Variants in TAF12 observed in about 807,000 individuals in gnomAD.
The protein encoded by TAF12 is transcription initiation factor TFIID subunit 12.
A neutral mutation model predicts 20.8 loss-of-function variants in TAF12; 3 were observed. That is an observed-to-expected ratio of 0.14 (90% CI 0.07 to 0.37). TAF12 has a LOEUF of 0.37. Ranked by LOEUF, TAF12 falls within the 10% of genes least tolerant of loss-of-function variation. The probability of loss-of-function intolerance (pLI) is 1.00; values close to 1 mark genes in which losing one functional copy is unlikely to be tolerated. For synonymous variants in TAF12, 69 were observed against 70.2 expected, an observed-to-expected ratio of 0.98 and a Z score of 0.09; for missense variants, 131 against 197.9, an observed-to-expected ratio of 0.66 and a Z score of 2.03.
At chr1:28,622,610 C>T (rs778018010) in intron 1 of TAF12, among the ~76,000 whole-genome samples, 5 of 151,980 alleles carry the variant, frequency 3.3e-5, no homozygotes, top group East Asian at 1.9e-4. Flanking sequence ...AAACTAGGGC[C>T]GCGTGCAGTA....
chr1:28,620,003 A>C (rs1256019619), intron 2 of TAF12, among the ~76,000 whole-genome samples: 1 of 151,720 alleles, frequency 6.6e-6, no homozygotes, highest in East Asian at 1.9e-4. Flanking sequence ...ACACCAAAAG[A>C]CATACACTAA....
At chr1:28,647,441 C>T (rs543460138), upstream of TAF12, among the ~76,000 whole-genome samples, 27 of 152,182 alleles carry the variant, frequency 1.8e-4, no homozygotes, top group South Asian at 4.3e-3. Flanking sequence ...GCCCATGCCA[C>T]GATGCCCAGT....
Position 28,603,534 on chromosome 1 carries a change from G to A in TAF12, c.*5C>T, listed in dbSNP as rs773120868. 1.1e-5 allele frequency: 18 copies of A among 1,613,470 alleles called. No individual in the cohort carries two copies. Among genetic ancestry groups the A allele is most frequent in the Admixed American group, 5.0e-5 (3 of 59,974 alleles). On this transcript the variant is annotated 3_prime_UTR_variant, in exon 6 of 6. Coordinates refer to ENST00000373824, the MANE Select transcript of TAF12 (RefSeq NM_005644.4). ...TTGCTGTCCATTCCCTGACCTTTCCGTGTGTTATTTCTTGGTTGTTTTCCG... is the reference window on the plus strand; with the variant it reads ...TTGCTGTCCATTCCCTGACCTTTCCATGTGTTATTTCTTGGTTGTTTTCCG...
chr1:28,644,918 A>G (rs905194812), upstream of TAF12, among the ~76,000 whole-genome samples: 3 of 152,186 alleles, frequency 2.0e-5, no homozygotes, highest in African/African-American at 4.8e-5. Flanking sequence ...GTTAAATGAT[A>G]CAGGGTCTCA....
chr1:28,621,014 C>T (rs1184756281), intron 2 of TAF12, among the ~76,000 whole-genome samples: 1 of 152,140 alleles, frequency 6.6e-6, no homozygotes, highest in African/African-American at 2.4e-5. Context: ...ATAGGACACA[C>T]TATTTTTATT....
intron 4 of TAF12, among the ~76,000 whole-genome samples, chr1:28,607,431 G>A (rs1666703084): frequency 6.6e-6 from 1 of 152,190 alleles, no homozygotes. Context: ...AGCACTTCGG[G>A]AGGCCAAAGT....
upstream of TAF12, chr1:28,648,079 T>G (rs1379112798): frequency 1.3e-6 from 1 of 754,326 alleles, no homozygotes; most frequent in Non-Finnish European, 1.6e-6. Flanking sequence ...TGCGTGACCT[T>G]GTGACCTTGT....
intron 2 of TAF12, among the ~76,000 whole-genome samples, chr1:28,620,961 C>A (rs561156566): frequency 6.6e-6 from 1 of 152,174 alleles, no homozygotes; most frequent in Non-Finnish European, 1.5e-5. Context: ...GTCTAACCCC[C>A]TTTTCTACCC....
At chr1:28,621,090 AATTGACTAGTACAGGTCC>A (rs544604137) in intron 2 of TAF12, among the ~76,000 whole-genome samples, 41 of 152,304 alleles carry the variant, frequency 2.7e-4, no homozygotes, top group African/African-American at 8.9e-4. Context: ...TTCCAATGGA[AATTGACTAGTACAGGTCC>A]ACTATGTTCT....
chr1:28,645,001 ATCC>A, upstream of TAF12, among the ~76,000 whole-genome samples: 1 of 151,420 alleles, frequency 6.6e-6, no homozygotes, highest in Middle Eastern at 3.4e-3. Context: ...TGTTCAAGCG[ATCC>A]TCCTCCACCT....
chr1:28,640,307 A>AT (rs1667989460), intron 1 of TAF12, among the ~76,000 whole-genome samples: 1 of 152,248 alleles, frequency 6.6e-6, no homozygotes, highest in South Asian at 2.1e-4. Flanking sequence ...CTAATATGTT[A>AT]TAGTCCTTGA....
intron 3 of TAF12, among the ~76,000 whole-genome samples, chr1:28,613,613 C>T (rs1013374030): frequency 2.6e-5 from 4 of 152,228 alleles, no homozygotes; most frequent in Non-Finnish European, 4.4e-5. Flanking sequence ...AATCCCTACC[C>T]TCCATATCTT....
At chr1:28,635,422 C>T (rs982835298) in intron 1 of TAF12, among the ~76,000 whole-genome samples, 1 of 150,562 alleles carries the variant, frequency 6.6e-6, no homozygotes, top group African/African-American at 2.4e-5. Context: ...TCTCCTGTCT[C>T]AGCCTCCTGA....
intron 4 of TAF12, among the ~76,000 whole-genome samples, chr1:28,608,010 G>A (rs1570294152): frequency 1.3e-5 from 2 of 151,988 alleles, no homozygotes; most frequent in African/African-American, 2.4e-5. Flanking sequence ...GATGGTGAGT[G>A]CCTATAATCC....
chr1:28,637,302 C>T (rs1214522421), intron 1 of TAF12, among the ~76,000 whole-genome samples: 2 of 152,024 alleles, frequency 1.3e-5, no homozygotes, highest in Non-Finnish European at 2.9e-5. Flanking sequence ...CGCAGTGGCA[C>T]GATCTTGGTT....
intron 4 of TAF12, among the ~76,000 whole-genome samples, chr1:28,611,087 G>A (rs1043037046): frequency 6.6e-6 from 1 of 151,870 alleles, no homozygotes; most frequent in Non-Finnish European, 1.5e-5. Flanking sequence ...TGTTAGAAAA[G>A]GCCATGAAGT....
chr1:28,606,239 C>T lies in TAF12; in HGVS notation c.362-779G>A, dbSNP rs144676622. Among the ~76,000 whole-genome samples, 1,281 of 152,154 alleles carry T rather than the reference C, an allele frequency of 8.4e-3. 15 individuals carry two copies. Among genetic ancestry groups the T allele is most frequent in the African/African-American group, 0.029 (1,209 of 41,510 alleles). On this transcript the variant is annotated intron_variant, in intron 4 of 5. Transcript: ENST00000373824. Reference sequence around the variant, plus strand: ...GTCTTGAACTCCTGACCTCGTGATCCACCCACCTCGAACTCCCAAAGTTCT... The same window carrying T: ...GTCTTGAACTCCTGACCTCGTGATCTACCCACCTCGAACTCCCAAAGTTCT...
chr1:28,622,501 A>G (rs1667251573), intron 1 of TAF12, among the ~76,000 whole-genome samples: 1 of 152,158 alleles, frequency 6.6e-6, no homozygotes, highest in Admixed American at 6.6e-5. Flanking sequence ...CTCAGCTGAT[A>G]TTTAGAAACC....
At chr1:28,604,084 T>C (rs1666588499) in intron 5 of TAF12, among the ~76,000 whole-genome samples, 2 of 152,134 alleles carry the variant, frequency 1.3e-5, no homozygotes, top group Admixed American at 1.3e-4. Context: ...TTTGTATTTT[T>C]AGTAGAGACA....
Sources: gnomAD v4.1 joint callset for allele counts (sites outside exome capture counted in the v4.1 genomes callset) on GRCh38, gnomAD v4.1.1 for gene constraint, MANE v1.5 for transcripts, NCBI Gene and HGNC (gene_info 2026-07-23, HGNC 2026-07-21) for gene names.